Variants in CDC42BPA observed in about 807,000 individuals in gnomAD.
CDC42BPA encodes CDC42 binding protein kinase alpha, also known as serine/threonine-protein kinase MRCK alpha.
In CDC42BPA, 80 loss-of-function variants were observed where a neutral mutation model predicts 223.5. The ratio of observed to expected loss-of-function variants is 0.36; its 90% CI spans 0.30 to 0.43. CDC42BPA has a LOEUF of 0.43. Ranked by LOEUF, CDC42BPA falls within the 20% of genes least tolerant of loss-of-function variation. The pLI is 1.00. For missense variants in CDC42BPA, 1,743 were observed against 2,099.9 expected (o/e 0.83, Z 3.32); for synonymous variants, 694 against 718.6 (o/e 0.97, Z 0.55).
In CDC42BPA at chr1:227,072,711, T is replaced by C. The variant is rs1298541598; in HGVS notation, c.2736-412A>G. Among the ~76,000 whole-genome samples the C allele has an allele frequency of 2.0e-5, 3 of 152,202 alleles. No individual in the cohort carries two copies. The East Asian group carries it at 5.8e-4, about 29-fold the overall frequency. ...TAGACTTTGTTAGATATTATACCAT[T>C]ACAGGCAACCATGAAAGTGGAGCAC... is the stretch of plus-strand genomic sequence containing the variant. On this transcript the variant is annotated intron_variant, in intron 19 of 36. Transcript: ENST00000366766.
At chr1:227,302,757 A>G (rs1691866265) in intron 1 of CDC42BPA, among the ~76,000 whole-genome samples, 1 of 151,862 alleles carries the variant, frequency 6.6e-6, no homozygotes, top group African/African-American at 2.4e-5. Flanking sequence ...TCAGATTATT[A>G]TTCAGGCCTC....
chr1:227,091,818 C>A, intron 16 of CDC42BPA, 68 bp downstream of exon 16: 1 of 782,830 alleles, frequency 1.3e-6, no homozygotes, highest in South Asian at 2.0e-5. Context: ...AAAGTTATAC[C>A]CACAATTCCT....
intron 34 of CDC42BPA, among the ~76,000 whole-genome samples, chr1:227,015,589 A>G (rs539771625): frequency 1.3e-5 from 2 of 152,312 alleles, no homozygotes; most frequent in Admixed American, 1.3e-4. Context: ...CTGACCAGGT[A>G]ACATGTTTGT....
intron 3 of CDC42BPA, among the ~76,000 whole-genome samples, chr1:227,202,268 C>T (rs1034706280): frequency 6.6e-6 from 1 of 152,176 alleles, no homozygotes; most frequent in African/African-American, 2.4e-5. Context: ...AGGCGTGAGC[C>T]ACCACACCCG....
intron 14 of CDC42BPA, among the ~76,000 whole-genome samples, chr1:227,110,802 C>A (rs1686783506): frequency 6.6e-6 from 1 of 152,086 alleles, no homozygotes; most frequent in East Asian, 1.9e-4. Context: ...TCATGATGAA[C>A]TAAAACTCCC....
chr1:227,108,319 T>TATTTTCTAATTTCCCTGGTG (rs1352442046), intron 14 of CDC42BPA, among the ~76,000 whole-genome samples: 1 of 152,192 alleles, frequency 6.6e-6, no homozygotes, highest in African/African-American at 2.4e-5. Flanking sequence ...TTCATTCACG[T>TATTTTCTAATTTCCCTGGTG]ATTTTCTAAT....
chr1:227,273,814 A>G (rs1467855513), intron 1 of CDC42BPA, among the ~76,000 whole-genome samples: 2 of 150,874 alleles, frequency 1.3e-5, no homozygotes, highest in African/African-American at 4.9e-5. Flanking sequence ...GTTCCGTAGG[A>G]ATTCTCAGAT....
At chr1:227,309,575 G>A (rs551604095) in intron 1 of CDC42BPA, among the ~76,000 whole-genome samples, 2 of 152,276 alleles carry the variant, frequency 1.3e-5, no homozygotes, top group South Asian at 2.1e-4. Context: ...ACTTAACACT[G>A]TAACAGGATT....
At chr1:227,011,385 C>T (rs985857231) in intron 34 of CDC42BPA, among the ~76,000 whole-genome samples, 2 of 151,944 alleles carry the variant, frequency 1.3e-5, no homozygotes, top group Non-Finnish European at 2.9e-5. Context: ...CAAAATATGG[C>T]AAAAATCTAT....
intron 26 of CDC42BPA, among the ~76,000 whole-genome samples, chr1:227,034,305 C>T (rs953849982): frequency 1.3e-5 from 2 of 152,158 alleles, no homozygotes; most frequent in African/African-American, 4.8e-5. Context: ...AGAAGCCTTT[C>T]TGATTTTTAT....
intron 21 of CDC42BPA, among the ~76,000 whole-genome samples, chr1:227,066,129 G>A (rs776197386): frequency 2.1e-4 from 32 of 152,138 alleles, no homozygotes; most frequent in Non-Finnish European, 2.4e-4. Flanking sequence ...GGTGGCTCAC[G>A]CCTGTAATCC....
rs1694637623 is a variant in CDC42BPA at position 227,317,771 on chromosome 1, AG to A, written c.-590del. The A allele has an allele frequency of 2.5e-6, 1 of 398,560 alleles. No individual in the cohort carries two copies. The highest frequency in any genetic ancestry group is 4.4e-6 in the Non-Finnish European group (1 of 226,080). 24.7% of individuals were successfully genotyped at this position (398,560 alleles called of 1,614,324 possible). On this transcript the variant is annotated 5_prime_UTR_variant, in exon 1 of 37. Coordinates refer to ENST00000366766, the MANE Select transcript of CDC42BPA (RefSeq NM_001394014.1). ...CGGCAATTTCTCCAGCGGGAAAGGG[AG>A]GGGGCGAGGTCCCTGAAGCAGCCCC...
At position 227,274,060 on chromosome 1, in the gene CDC42BPA, T is replaced by C. The variant is rs957161917; in HGVS notation, c.179-19905A>G. On this transcript the variant is annotated intron_variant, in intron 1 of 36. Transcript: ENST00000366766. ...CCCCACCCTGTAAATTTGAGAGAAA[T>C]AGTCTTACAGAAAGACTATGGAATT... Among the ~76,000 whole-genome samples, 13 of 103,598 alleles carry C rather than the reference T, an allele frequency of 1.3e-4. No individual in the cohort carries two copies. The East Asian group carries it at 1.3e-3, about 10-fold the overall frequency. The allele number at this position is 103,598 out of a possible 152,430, so 68.0% of individuals were successfully genotyped here.
chr1:227,247,555 T>C (rs1163171272), intron 2 of CDC42BPA, among the ~76,000 whole-genome samples: 1 of 151,356 alleles, frequency 6.6e-6, no homozygotes, highest in Non-Finnish European at 1.5e-5. Context: ...GAGAAGGAAT[T>C]TGGGATTCTA....
At chr1:227,196,816 C>T (rs1435850304) in intron 4 of CDC42BPA, among the ~76,000 whole-genome samples, 1 of 151,924 alleles carries the variant, frequency 6.6e-6, no homozygotes, top group African/African-American at 2.4e-5. Flanking sequence ...TTTTTTTCCT[C>T]AACCATAAAG....
chr1:227,209,800 A>G (rs1198564317), intron 3 of CDC42BPA, among the ~76,000 whole-genome samples: 2 of 150,010 alleles, frequency 1.3e-5, no homozygotes, highest in Non-Finnish European at 3.0e-5. Flanking sequence ...TTCATCAAGG[A>G]TATTGGTCTA....
chr1:227,177,675 T>C (rs1317933021), intron 5 of CDC42BPA, among the ~76,000 whole-genome samples: 4 of 152,184 alleles, frequency 2.6e-5, no homozygotes, highest in Non-Finnish European at 5.9e-5. Flanking sequence ...TGTAACACTA[T>C]GCAATTTTTT....
At chr1:227,149,006 G>A (rs1384921134) in intron 6 of CDC42BPA, among the ~76,000 whole-genome samples, 1 of 149,774 alleles carries the variant, frequency 6.7e-6, no homozygotes, top group Non-Finnish European at 1.5e-5. Context: ...GCTTATATGA[G>A]GTAAGAACAA....
At chr1:227,305,496 G>A (rs991178066) in intron 1 of CDC42BPA, among the ~76,000 whole-genome samples, 3 of 152,156 alleles carry the variant, frequency 2.0e-5, no homozygotes, top group Admixed American at 6.5e-5. Flanking sequence ...TGCTGTCAGA[G>A]AAGTCTCTTA....
Sources: gnomAD v4.1 joint callset for allele counts (sites outside exome capture counted in the v4.1 genomes callset) on GRCh38, gnomAD v4.1.1 for gene constraint, MANE v1.5 for transcripts, NCBI Gene and HGNC (gene_info 2026-07-23, HGNC 2026-07-21) for gene names.